The following EDIL3 variants were observed in gnomAD, a reference collection of about 807,000 sequenced individuals.
EDIL3 encodes the protein EGF like and discoidin domains 3, also known as EGF-like repeat and discoidin I-like domain-containing protein 3.
Under a neutral mutation model 67.4 loss-of-function variants are expected in EDIL3, and 37 were observed. The ratio of observed to expected loss-of-function variants is 0.55; its 90% CI spans 0.42 to 0.72. The LOEUF (loss-of-function observed/expected upper bound fraction) is 0.72, where lower values mean the gene tolerates loss of function less well. Among genes scored for constraint, EDIL3 ranks in the 30% least tolerant of loss-of-function variants. The pLI is 0.00. For synonymous variants in EDIL3, 195 were observed against 196.3 expected, an observed-to-expected ratio of 0.99 and a Z score of 0.05; for missense variants, 527 against 586.3, an observed-to-expected ratio of 0.90 and a Z score of 1.04.
chr5:84,255,689 T>C (rs540402975), intron 1 of EDIL3, among the ~76,000 whole-genome samples: 2 of 152,330 alleles, frequency 1.3e-5, no homozygotes, highest in South Asian at 4.1e-4. Context: ...ACTTTAAAAA[T>C]ATTTGAAAAA....
chr5:84,101,430 A>G (rs1463681083), intron 6 of EDIL3, among the ~76,000 whole-genome samples: 1 of 152,080 alleles, frequency 6.6e-6, no homozygotes, highest in Non-Finnish European at 1.5e-5. Context: ...AACTAATAAA[A>G]TAGATAGACT....
intron 1 of EDIL3, among the ~76,000 whole-genome samples, chr5:84,270,021 G>A (rs147805921): frequency 3.7e-4 from 57 of 152,278 alleles, no homozygotes; most frequent in East Asian, 1.9e-4. Flanking sequence ...TGGAGTAAGC[G>A]AGAGAAAAAT....
intron 9 of EDIL3, among the ~76,000 whole-genome samples, chr5:83,990,754 C>T (rs1406433204): frequency 6.6e-6 from 1 of 151,702 alleles, no homozygotes; most frequent in East Asian, 1.9e-4. Flanking sequence ...GTAGCGGGCA[C>T]CTGTAATCTC....
At chr5:84,175,121 A>G (rs983261441) in intron 4 of EDIL3, among the ~76,000 whole-genome samples, 3 of 152,164 alleles carry the variant, frequency 2.0e-5, no homozygotes, top group South Asian at 2.1e-4. Context: ...CTCCACTTCA[A>G]TAAACCCCAT....
At chr5:84,250,719 A>ATACTCAGGATAACATACT (rs1745009352) in intron 2 of EDIL3, among the ~76,000 whole-genome samples, 1 of 152,234 alleles carries the variant, frequency 6.6e-6, no homozygotes, top group African/African-American at 2.4e-5. Flanking sequence ...TGTAGAATAA[A>ATACTCAGGATAACATACT]CAGGATAAAC....
intron 1 of EDIL3, among the ~76,000 whole-genome samples, chr5:84,345,397 T>A (rs1443785777): frequency 6.6e-6 from 1 of 152,130 alleles, no homozygotes; most frequent in Non-Finnish European, 1.5e-5. Flanking sequence ...TAAATAGCAA[T>A]AATTTTAAAA....
chr5:83,982,316 CAATT>C (rs1744983891), intron 9 of EDIL3, among the ~76,000 whole-genome samples: 1 of 151,978 alleles, frequency 6.6e-6, no homozygotes, highest in South Asian at 2.1e-4. Context: ...ATTAATATAT[CAATT>C]AATAACTTAA....
At chr5:83,978,567 G>C (rs913233260) in intron 9 of EDIL3, among the ~76,000 whole-genome samples, 1 of 151,888 alleles carries the variant, frequency 6.6e-6, no homozygotes, top group African/African-American at 2.4e-5. Flanking sequence ...GGTGGTAATA[G>C]GGTGAGGTAC....
chr5:84,183,369 T>G (rs1480853891), intron 3 of EDIL3, among the ~76,000 whole-genome samples: 1 of 152,118 alleles, frequency 6.6e-6, no homozygotes, highest in Non-Finnish European at 1.5e-5. Flanking sequence ...GAGTTTTGAC[T>G]CATCAATTCA....
chr5:84,012,876 G>T (rs999669786), intron 9 of EDIL3, among the ~76,000 whole-genome samples: 1 of 151,778 alleles, frequency 6.6e-6, no homozygotes, highest in African/African-American at 2.4e-5. Flanking sequence ...TCTACAAATA[G>T]CTTTCACTTT....
At chr5:84,143,258 C>G (rs1489859641) in intron 4 of EDIL3, among the ~76,000 whole-genome samples, 1 of 151,974 alleles carries the variant, frequency 6.6e-6, no homozygotes, top group Non-Finnish European at 1.5e-5. Flanking sequence ...ATCTTCTGTT[C>G]TTGAACTCCC....
intron 1 of EDIL3, among the ~76,000 whole-genome samples, chr5:84,333,656 C>G (rs1418313892): frequency 2.0e-5 from 3 of 151,852 alleles, no homozygotes; most frequent in Admixed American, 2.0e-4. Flanking sequence ...GACTAAAAGG[C>G]CTTAAAGTAA....
chr5:84,037,887 G>C (rs1348764864), intron 9 of EDIL3, among the ~76,000 whole-genome samples: 1 of 151,196 alleles, frequency 6.6e-6, no homozygotes, highest in Admixed American at 6.6e-5. Flanking sequence ...TTGTTGATTT[G>C]TATGATCTGA....
chr5:84,065,635 A>C (rs1007876015), intron 7 of EDIL3, among the ~76,000 whole-genome samples: 2 of 144,676 alleles, frequency 1.4e-5, no homozygotes, highest in Non-Finnish European at 3.1e-5. Context: ...AGAATTGAGA[A>C]TATCATAAGA....
chr5:84,353,143 C>T (rs1379858993), intron 1 of EDIL3, among the ~76,000 whole-genome samples: 3 of 152,096 alleles, frequency 2.0e-5, no homozygotes, highest in South Asian at 2.1e-4. Context: ...TAAGCACCAA[C>T]CAATGTGAAT....
chr5:84,276,995 C>T (rs188277287), intron 1 of EDIL3, among the ~76,000 whole-genome samples: 4 of 152,218 alleles, frequency 2.6e-5, no homozygotes, highest in Admixed American at 1.3e-4. Context: ...AAACATATTA[C>T]GCATAATAAT....
chr5:84,380,417 A>G (rs895126003), intron 1 of EDIL3, among the ~76,000 whole-genome samples: 10 of 152,112 alleles, frequency 6.6e-5, no homozygotes, highest in African/African-American at 2.4e-4. Context: ...AGCCATTAAC[A>G]CTCAACACAT....
intron 1 of EDIL3, among the ~76,000 whole-genome samples, chr5:84,320,416 CG>C (rs1177423532): frequency 6.6e-6 from 1 of 151,916 alleles, no homozygotes; most frequent in Non-Finnish European, 1.5e-5. Context: ...TACATTTTAA[CG>C]GCTTCCCAGG....
intron 6 of EDIL3, among the ~76,000 whole-genome samples, chr5:84,084,649 T>C (rs1184620526): frequency 6.6e-6 from 1 of 152,192 alleles, no homozygotes; most frequent in Non-Finnish European, 1.5e-5. Context: ...TTCATCAATT[T>C]TTTTTGCCTG....
Sources: allele counts gnomAD v4.1 joint callset (sites outside exome capture counted in the v4.1 genomes callset), GRCh38; gene constraint gnomAD v4.1.1; transcripts MANE v1.5; gene names NCBI Gene and HGNC (gene_info 2026-07-23, HGNC 2026-07-21).